Variants in THRB observed in about 807,000 individuals in gnomAD.
THRB encodes the protein nuclear receptor subfamily 1 group A member 2.
In THRB, 12 loss-of-function variants were observed where a neutral mutation model predicts 47.8. The ratio of observed to expected loss-of-function variants is 0.25; its 90% CI spans 0.16 to 0.41. The LOEUF is 0.41. Among genes scored for constraint, THRB ranks in the 10% least tolerant of loss-of-function variants. The probability of loss-of-function intolerance (pLI) is 1.00; values close to 1 mark genes in which losing one functional copy is unlikely to be tolerated. For synonymous variants in THRB, 218 were observed against 212.2 expected (o/e 1.03, Z -0.24); for missense variants, 348 against 589.2 (o/e 0.59, Z 4.24).
chr3:24,146,523 A>G, intron 7 of THRB, 152 bp downstream of exon 7: 1 of 803,242 alleles, frequency 1.2e-6, no homozygotes. Context: ...GCAAGCCTGG[A>G]TGTGGGGAGT....
At chr3:24,188,718 T>C (rs370253604) in intron 5 of THRB, among the ~76,000 whole-genome samples, 3 of 149,430 alleles carry the variant, frequency 2.0e-5, no homozygotes. Flanking sequence ...TAAATCTCAA[T>C]TGTATTGCAA....
At position 24,375,792 on chromosome 3, in the gene THRB, T is replaced by G. The variant is rs181394355; in HGVS notation, c.-260-38421A>C. On this transcript the variant is annotated intron_variant, in intron 1 of 10. Transcript: ENST00000646209. Reference sequence around the variant, plus strand: ...ATTGAGGTCTGCTGGAATTTGATTTTCTTTTCTTTTCTTTTCTTTTTTGAA... The same window carrying G: ...ATTGAGGTCTGCTGGAATTTGATTTGCTTTTCTTTTCTTTTCTTTTTTGAA... Among the ~76,000 whole-genome samples, 1,148 of 145,990 alleles carry G rather than the reference T, an allele frequency of 7.9e-3. 7 individuals are homozygous for G. Among genetic ancestry groups the G allele is most frequent in the Non-Finnish European group, 0.012 (818 of 67,880 alleles).
intron 1 of THRB, among the ~76,000 whole-genome samples, chr3:24,482,238 T>C (rs569822121): frequency 6.6e-6 from 1 of 152,344 alleles, no homozygotes; most frequent in African/African-American, 2.4e-5. Context: ...TTTCCATGTA[T>C]TGAGCACTCA....
At chr3:24,432,855 A>G (rs1266456233) in intron 1 of THRB, among the ~76,000 whole-genome samples, 1 of 152,026 alleles carries the variant, frequency 6.6e-6, no homozygotes, top group East Asian at 1.9e-4. Flanking sequence ...GTGGTGGCCT[A>G]TTACAGTCCA....
chr3:24,331,509 C>T (rs1337622733), intron 2 of THRB, among the ~76,000 whole-genome samples: 1 of 152,076 alleles, frequency 6.6e-6, no homozygotes, highest in South Asian at 2.1e-4. Flanking sequence ...GTAATTTAGC[C>T]TCTTTTTCCA....
chr3:24,458,332 A>G (rs1020395507), intron 1 of THRB: 1 of 152,150 alleles, frequency 6.6e-6, no homozygotes, highest in Admixed American at 6.5e-5. Context: ...ACAAAAGACC[A>G]CGGAAGAGTT....
At chr3:24,265,272 G>A (rs1466970383) in intron 3 of THRB, among the ~76,000 whole-genome samples, 2 of 151,934 alleles carry the variant, frequency 1.3e-5, no homozygotes, top group Non-Finnish European at 2.9e-5. Flanking sequence ...TGATCCTGGA[G>A]TTTGTTCACT....
At chr3:24,323,790 C>T (rs2058641150) in intron 2 of THRB, among the ~76,000 whole-genome samples, 1 of 152,060 alleles carries the variant, frequency 6.6e-6, no homozygotes, top group Non-Finnish European at 1.5e-5. Flanking sequence ...GGAGTCAATC[C>T]CCAAATCATT....
At chr3:24,167,710 C>T (rs537229656) in intron 5 of THRB, among the ~76,000 whole-genome samples, 11 of 152,276 alleles carry the variant, frequency 7.2e-5, no homozygotes, top group African/African-American at 2.6e-4. Context: ...TTGCCCAGTG[C>T]ATTTCCTGGC....
At chr3:24,403,594 C>T (rs976641298) in intron 1 of THRB, among the ~76,000 whole-genome samples, 5 of 151,884 alleles carry the variant, frequency 3.3e-5, no homozygotes, top group Non-Finnish European at 7.4e-5. Flanking sequence ...ATCAAGGTAG[C>T]GGCAGCACCT....
intron 1 of THRB, among the ~76,000 whole-genome samples, chr3:24,398,541 C>A (rs1224617900): frequency 6.6e-6 from 1 of 152,152 alleles, no homozygotes; most frequent in Non-Finnish European, 1.5e-5. Flanking sequence ...CCATCTCACA[C>A]CAGTTAGAAT....
chr3:24,124,338 G>C (rs1021552133), intron 10 of THRB, among the ~76,000 whole-genome samples: 4 of 152,130 alleles, frequency 2.6e-5, no homozygotes, highest in African/African-American at 9.7e-5. Context: ...CAGATTTGCT[G>C]GTTCTCCCTC....
chr3:24,261,309 T>C (rs1418161890), intron 3 of THRB, among the ~76,000 whole-genome samples: 1 of 152,046 alleles, frequency 6.6e-6, no homozygotes, highest in Non-Finnish European at 1.5e-5. Context: ...GAGACCATTC[T>C]GGCCAACATG....
chr3:24,253,433 A>G (rs826226), intron 3 of THRB, among the ~76,000 whole-genome samples: 89,544 of 152,036 alleles, frequency 0.59, 28,301 homozygotes, highest in Middle Eastern at 0.72. Context: ...TGAGCTTTTG[A>G]TCTAGAGGGA....
intron 1 of THRB, among the ~76,000 whole-genome samples, chr3:24,370,421 G>A (rs920321087): frequency 7.2e-5 from 11 of 151,926 alleles, no homozygotes; most frequent in African/African-American, 2.7e-4. Flanking sequence ...GTGGTATTGT[G>A]TCAAGATGAT....
chr3:24,407,225 C>T (rs1475754134), intron 1 of THRB, among the ~76,000 whole-genome samples: 1 of 151,732 alleles, frequency 6.6e-6, no homozygotes, highest in Non-Finnish European at 1.5e-5. Flanking sequence ...GAGAAATGTC[C>T]CTCAGGAATA....
At chr3:24,135,841 ATAT>A (rs2034571750) in intron 8 of THRB, among the ~76,000 whole-genome samples, 3 of 118,014 alleles carry the variant, frequency 2.5e-5, no homozygotes, top group Admixed American at 9.1e-5. Context: ...ATATATATAT[ATAT>A]ATAATACATA....
intron 3 of THRB, among the ~76,000 whole-genome samples, chr3:24,293,383 C>T (rs1313024542): frequency 1.3e-5 from 2 of 152,150 alleles, no homozygotes; most frequent in Non-Finnish European, 2.9e-5. Context: ...CTAGAAATGC[C>T]TTTCCCCTTC....
intron 1 of THRB, among the ~76,000 whole-genome samples, chr3:24,479,378 A>G (rs1343752051): frequency 1.3e-5 from 2 of 152,344 alleles, no homozygotes; most frequent in Non-Finnish European, 2.9e-5. Flanking sequence ...TCCGACCCCA[A>G]CAAATTATGT....
Sources: allele counts gnomAD v4.1 joint callset (sites outside exome capture counted in the v4.1 genomes callset), GRCh38; gene constraint gnomAD v4.1.1; transcripts MANE v1.5; gene names NCBI Gene and HGNC (gene_info 2026-07-23, HGNC 2026-07-21).